LGR5: variants seen among roughly 807,000 people sequenced by gnomAD.
LGR5 encodes the protein leucine-rich repeat-containing G protein-coupled receptor 5.
LGR5 carries 54 observed loss-of-function variants against 76.7 expected under a neutral mutation model. The observed-to-expected ratio is 0.70, with a 90% CI of 0.57 to 0.88. The LOEUF is 0.88. Ranked by LOEUF, LGR5 falls within the 40% of genes least tolerant of loss-of-function variation. LGR5 has a pLI of 0.00. For missense variants in LGR5, 1,078 were observed against 1,073.3 expected (o/e 1.00, Z -0.06); for synonymous variants, 406 against 421.9 (o/e 0.96, Z 0.46).
chr12:71,555,244 G>A (rs576823884), intron 5 of LGR5, among the ~76,000 whole-genome samples: 63 of 152,112 alleles, frequency 4.1e-4, no homozygotes, highest in Non-Finnish European at 7.6e-4. Flanking sequence ...CACATATAAA[G>A]ATGATGCTAC....
Position 71,569,881 on chromosome 12 carries a change from C to T in LGR5, c.1071-1633C>T, listed in dbSNP as rs541581713. Among the ~76,000 whole-genome samples the T allele has an allele frequency of 4.6e-5, 7 of 152,274 alleles. No individual in the cohort carries two copies. The South Asian group carries it at 1.4e-3, about 32-fold the overall frequency. ...CATGTATGTTCATTGAAGCACTATT[C>T]ACAGTAGCAAAGACATGGAATCAAC... On this transcript the variant is annotated intron_variant, in intron 11 of 17. Transcript: ENST00000266674.
chr12:71,572,990 T>C (rs1048494762), intron 13 of LGR5, 69 bp downstream of exon 13: 1 of 1,159,964 alleles, frequency 8.6e-7, no homozygotes, highest in Non-Finnish European at 1.3e-6. Flanking sequence ...CTTCCCCTAA[T>C]GTTTTCTTTT....
Position 71,577,907 on chromosome 12 carries a change from T to G in LGR5, c.1209-18T>G, listed in dbSNP as rs768792663. The G allele has an allele frequency of 6.4e-7, 1 of 1,559,062 alleles. No homozygotes were observed. The highest frequency in any genetic ancestry group is 8.8e-7 in the Non-Finnish European group (1 of 1,130,116). On this transcript the variant is annotated intron_variant, in intron 13 of 17. Coordinates refer to ENST00000266674, the MANE Select transcript of LGR5 (RefSeq NM_003667.4). Reference sequence around the variant, plus strand: ...CTTTATTCTATATAATTCTCTCATTTGCCTTTTTTTACAATAGGAATTTGG... The same window carrying G: ...CTTTATTCTATATAATTCTCTCATTGGCCTTTTTTTACAATAGGAATTTGG...
chr12:71,467,406 T>C (rs12829521), intron 1 of LGR5, among the ~76,000 whole-genome samples: 28,447 of 152,064 alleles, frequency 0.19, 3,309 homozygotes, highest in African/African-American at 0.32. Flanking sequence ...ACTGGGGACA[T>C]AATAAATACC....
intron 1 of LGR5, among the ~76,000 whole-genome samples, chr12:71,451,234 G>A (rs760133965): frequency 6.6e-6 from 1 of 152,190 alleles, no homozygotes; most frequent in Non-Finnish European, 1.5e-5. Context: ...TTTGAACAGA[G>A]TTTGAATAGT....
chr12:71,578,753 C>G (rs763221745), intron 14 of LGR5, 51 bp from the exon 15 acceptor site: 1 of 1,496,810 alleles, frequency 6.7e-7, no homozygotes, highest in Non-Finnish European at 8.9e-7. Flanking sequence ...TTAACATAAA[C>G]GTTTTATGCT....
intron 1 of LGR5, among the ~76,000 whole-genome samples, chr12:71,474,547 G>A (rs963315308): frequency 6.6e-6 from 1 of 152,124 alleles, no homozygotes; most frequent in Non-Finnish European, 1.5e-5. Context: ...CCAGTAAGTG[G>A]GGAGAAGTTA....
chr12:71,463,366 G>A lies in LGR5; in HGVS notation c.212+23074G>A, dbSNP rs566553124. Among the ~76,000 whole-genome samples, 31 of 152,270 alleles carry A rather than the reference G, an allele frequency of 2.0e-4. 1 individual carries two copies. The South Asian group carries it at 5.0e-3, about 24-fold the overall frequency. On this transcript the variant is annotated intron_variant, in intron 1 of 17. Coordinates refer to ENST00000266674, the MANE Select transcript of LGR5 (RefSeq NM_003667.4). ...ACTGTATATTCTCTTAGCTTCAGTC[G>A]AGAGGTTTACTTAGGCTTTAGCATT...
chr12:71,565,421 G>GATATATATATATATATATATATAT (rs1565762535), intron 8 of LGR5, among the ~76,000 whole-genome samples: 5 of 144,156 alleles, frequency 3.5e-5, no homozygotes, highest in Admixed American at 1.4e-4. Context: ...GATCAATTGA[G>GATATATATATATATATATATATAT]CTATATATAT....
intron 2 of LGR5, among the ~76,000 whole-genome samples, chr12:71,509,075 G>A (rs898519149): frequency 3.3e-5 from 5 of 152,202 alleles, no homozygotes; most frequent in South Asian, 4.1e-4. Flanking sequence ...AGAAAGAAAA[G>A]CAGGTCGAAA....
Position 71,584,595 on chromosome 12 carries a change from G to A in LGR5, c.2585G>A (p.Cys862Tyr), listed in dbSNP as rs999012296. 1 of 1,614,096 alleles carries A rather than the reference G, an allele frequency of 6.2e-7. No individual in the cohort carries two copies. Among genetic ancestry groups the A allele is most frequent in the Non-Finnish European group, 8.5e-7 (1 of 1,180,032 alleles). ...TCTGATGATGTCGAAAAACAGTCCT[G>A]TGACTCAACTCAAGCCTTGGTAACC... ...INSDDVEKQS[C>Y]DSTQALVTFT... Residue 862 changes from cysteine to tyrosine, a missense_variant, in exon 18 of 18, where the codon TGT (cysteine) becomes TAT (tyrosine). Physicochemically the swap from Cys to Tyr is radical, Grantham distance 194. Transcript: ENST00000266674.
intron 2 of LGR5, among the ~76,000 whole-genome samples, chr12:71,515,526 T>C (rs536886018): frequency 6.6e-6 from 1 of 152,222 alleles, no homozygotes; most frequent in South Asian, 2.1e-4. Flanking sequence ...AATTCAGAAA[T>C]AGTCACAGAA....
intron 1 of LGR5, among the ~76,000 whole-genome samples, chr12:71,445,892 CG>C (rs1871966988): frequency 6.6e-6 from 1 of 152,112 alleles, no homozygotes; most frequent in South Asian, 2.1e-4. Flanking sequence ...GAATTGGAGA[CG>C]CTGAGATTTA....
At chr12:71,544,252 G>C (rs900011898) in intron 4 of LGR5, among the ~76,000 whole-genome samples, 8 of 141,392 alleles carry the variant, frequency 5.7e-5, no homozygotes, top group Non-Finnish European at 1.1e-4. Context: ...GGGAGAAAGG[G>C]GAAATTCTTT....
intron 3 of LGR5, among the ~76,000 whole-genome samples, chr12:71,528,546 C>T (rs1876136886): frequency 6.6e-6 from 1 of 152,058 alleles, no homozygotes; most frequent in Admixed American, 6.6e-5. Flanking sequence ...AATATATAGC[C>T]ATGGAAATGT....
Position 71,575,720 on chromosome 12 carries a change from A to ATG in LGR5, c.1209-2204_1209-2203insGT, listed in dbSNP as rs1348350211. On this transcript the variant is annotated intron_variant, in intron 13 of 17. Coordinates refer to ENST00000266674, the MANE Select transcript of LGR5 (RefSeq NM_003667.4). Reference sequence around the variant, plus strand: ...AGTGAGACTCCATCTCAAAAAATATATATGTGTGTGTGTGTGTGTGTGTGT... The same window carrying ATG: ...AGTGAGACTCCATCTCAAAAAATATATGTATGTGTGTGTGTGTGTGTGTGTGT... Among the ~76,000 whole-genome samples the ATG allele has an allele frequency of 3.2e-4, 39 of 122,816 alleles. No homozygotes were observed. The Middle Eastern group carries it at 0.012, about 36-fold the overall frequency. 80.6% of individuals were successfully genotyped at this position (122,816 alleles called of 152,430 possible). A position where few individuals can be genotyped will look rare whatever the true frequency, so the allele number is the denominator to read the frequency against.
intron 1 of LGR5, among the ~76,000 whole-genome samples, chr12:71,451,271 G>A (rs552129608): frequency 9.2e-5 from 14 of 152,286 alleles, no homozygotes; most frequent in African/African-American, 2.2e-4. Flanking sequence ...GACAAAACTC[G>A]ATGCTTGGGA....
rs1879254989 is a variant in LGR5 at position 71,584,787 on chromosome 12, T to C, written c.*53T>C. On this transcript the variant is annotated 3_prime_UTR_variant, in exon 18 of 18. Transcript: ENST00000266674. ...AGGTTGAGAACCTGAAAATGTGAGA[T>C]TGAGTATATCAGAGCAGTAATTAAT... 11 of 1,547,766 alleles carry C rather than the reference T, an allele frequency of 7.1e-6. No individual in the cohort carries two copies. The highest frequency in any genetic ancestry group is 7.9e-6 in the Non-Finnish European group (9 of 1,136,650).
intron 1 of LGR5, among the ~76,000 whole-genome samples, chr12:71,482,569 G>A (rs12822642): frequency 6.6e-6 from 1 of 152,012 alleles, no homozygotes; most frequent in South Asian, 2.1e-4. Flanking sequence ...GTAGGGGTTA[G>A]AACTTCAACA....
Sources: allele counts gnomAD v4.1 joint callset (sites outside exome capture counted in the v4.1 genomes callset), GRCh38; gene constraint gnomAD v4.1.1; transcripts MANE v1.5; gene names NCBI Gene and HGNC (gene_info 2026-07-23, HGNC 2026-07-21).